The following PGBD2 variants were observed in gnomAD, a reference collection of about 807,000 sequenced individuals.
The protein encoded by PGBD2 is piggyBac transposable element-derived protein 2.
In PGBD2, 6 loss-of-function variants were observed where a neutral mutation model predicts 8.1. That is an observed-to-expected ratio of 0.74 (90% CI 0.40 to 1.46). The LOEUF (loss-of-function observed/expected upper bound fraction) is 1.46. Ranked by LOEUF, PGBD2 falls within the 40% of genes most tolerant of loss-of-function variation. The pLI, the probability that PGBD2 is intolerant of heterozygous loss-of-function variation, is 0.02. For missense variants in PGBD2, 802 were observed against 739.0 expected (o/e 1.09, Z -0.99); for synonymous variants, 318 against 272.2 (o/e 1.17, Z -1.66).
chr1:248,883,111 C>A, the PGBD2 span, among the ~76,000 whole-genome samples: 1 of 152,044 alleles, frequency 6.6e-6, no homozygotes, highest in Admixed American at 6.6e-5. Context: ...TAAAGAATTT[C>A]TTTGTTTGTT....
At chr1:248,874,429 T>C in the PGBD2 span, among the ~76,000 whole-genome samples, 10 of 152,286 alleles carry the variant, frequency 6.6e-5, no homozygotes, top group African/African-American at 1.4e-4. Flanking sequence ...GTGTCCTCAT[T>C]TTGCAGAGTA....
the PGBD2 span, among the ~76,000 whole-genome samples, chr1:248,880,443 GT>G: frequency 1.8e-4 from 27 of 152,172 alleles, no homozygotes; most frequent in Non-Finnish European, 3.1e-4. Flanking sequence ...TGGGAATTTT[GT>G]TATCTGAAAT....
At chr1:248,894,228 T>C in the PGBD2 span, among the ~76,000 whole-genome samples, 1 of 152,196 alleles carries the variant, frequency 6.6e-6, no homozygotes, top group African/African-American at 2.4e-5. Context: ...GTTTCCTTTG[T>C]AATGCTGAAA....
chr1:248,927,737 T>G, the PGBD2 span, among the ~76,000 whole-genome samples: 1 of 152,188 alleles, frequency 6.6e-6, no homozygotes, highest in African/African-American at 2.4e-5. Context: ...GCTCTTGTTT[T>G]AAATGGTAGA....
chr1:248,873,530 T>A, the PGBD2 span, among the ~76,000 whole-genome samples: 2 of 152,178 alleles, frequency 1.3e-5, no homozygotes, highest in Non-Finnish European at 2.9e-5. Flanking sequence ...CTTGCCAGAG[T>A]TTCCCCAGCT....
chr1:248,919,450 T>G (rs1473067434), downstream of PGBD2: 1 of 166,910 alleles, frequency 6.0e-6, no homozygotes, highest in Non-Finnish European at 1.5e-5. Context: ...TTAATCACAC[T>G]TCATTGTGTA....
At chr1:248,873,934 G>C in the PGBD2 span, among the ~76,000 whole-genome samples, 2 of 152,216 alleles carry the variant, frequency 1.3e-5, no homozygotes, top group African/African-American at 4.8e-5. Context: ...CCGGATGGAG[G>C]CGTGGGTTCG....
the PGBD2 span, among the ~76,000 whole-genome samples, chr1:248,874,166 C>A: frequency 6.6e-6 from 1 of 152,088 alleles, no homozygotes; most frequent in South Asian, 2.1e-4. Flanking sequence ...GCGAGAAAAC[C>A]GCATCCAATC....
the PGBD2 span, among the ~76,000 whole-genome samples, chr1:248,886,395 A>G: frequency 6.6e-6 from 1 of 152,190 alleles, no homozygotes; most frequent in Non-Finnish European, 1.5e-5. Flanking sequence ...AGTGAGGATG[A>G]CTGTTGATTT....
chr1:248,917,939 T>C lies in PGBD2; in HGVS notation c.1355T>C (p.Leu452Pro). 1 of 1,614,216 alleles carries C rather than the reference T, an allele frequency of 6.2e-7. No individual in the cohort carries two copies. Among genetic ancestry groups the C allele is most frequent in the Non-Finnish European group, 8.5e-7 (1 of 1,180,034 alleles). Residue 452 changes from leucine to proline, a missense_variant, in exon 3 of 3, where the codon CTG becomes CCG. Transcript: ENST00000329291. ...CGGACTCAGGTCCACCAGCCATCAC[T>C]GGTGAAGCTGTATCAGGAGAAGGTG... Reference protein sequence around the residue: ...KTRTQVHQPSLVKLYQEKVGG... With the variant: ...KTRTQVHQPSPVKLYQEKVGG...
chr1:248,891,142 C>T, the PGBD2 span, among the ~76,000 whole-genome samples: 1 of 152,236 alleles, frequency 6.6e-6, no homozygotes, highest in Admixed American at 6.5e-5. Flanking sequence ...AAATGTGTCT[C>T]TGTCAGATGT....
At chr1:248,927,028 T>G in the PGBD2 span, among the ~76,000 whole-genome samples, 1 of 152,088 alleles carries the variant, frequency 6.6e-6, no homozygotes. Flanking sequence ...CAGTGACTCA[T>G]GCAAGCTTAG....
chr1:248,928,398 G>T, the PGBD2 span, among the ~76,000 whole-genome samples: 3 of 152,154 alleles, frequency 2.0e-5, no homozygotes, highest in Non-Finnish European at 4.4e-5. Context: ...TGCTGTGAAT[G>T]ATTGTATTGG....
rs150663774 is a variant in PGBD2 at position 248,910,096 on chromosome 1, G to A, written c.-47-3720G>A. On this transcript the variant is annotated intron_variant, in intron 1 of 2. Coordinates refer to ENST00000329291, the MANE Select transcript of PGBD2 (RefSeq NM_170725.3). Reference sequence around the variant, plus strand: ...AAGCAACTGTGACATGGTAACACAAGTCAGGCTTCTTGACCCAAACCTGGC... The same window carrying A: ...AAGCAACTGTGACATGGTAACACAAATCAGGCTTCTTGACCCAAACCTGGC... 2.1e-3 allele frequency among the ~76,000 whole-genome samples: 327 copies of A among 152,344 alleles called. 1 individual carries two copies. Among genetic ancestry groups the A allele is most frequent in the African/African-American group, 7.1e-3 (295 of 41,582 alleles).
Position 248,917,522 on chromosome 1 carries a change from A to G in PGBD2, c.938A>G (p.Gln313Arg). 1.2e-6 allele frequency: 2 copies of G among 1,614,196 alleles called. No individual in the cohort carries two copies. The highest frequency in any genetic ancestry group is 1.3e-5 in the African/African-American group (1 of 75,048). ...TACTTGGTGTGGTTTGAGCCCTCAC[A>G]GGGCACACTGTTTACCAAGCCAGAC... ...RGYLVWFEPS[Q>R]GTLFTKPDRS... Residue 313 changes from glutamine (Q) to arginine (R), a missense_variant, in exon 3 of 3, where the codon CAG becomes CGG. By Grantham distance (43) the Gln-to-Arg change is conservative. Transcript: ENST00000329291.
chr1:248,874,082 G>C, the PGBD2 span, among the ~76,000 whole-genome samples: 1 of 152,128 alleles, frequency 6.6e-6, no homozygotes, highest in African/African-American at 2.4e-5. Context: ...TTTGCTGCCC[G>C]GTTTTCCCTG....
At chr1:248,904,720 C>T (rs184872106), upstream of PGBD2, among the ~76,000 whole-genome samples, 46 of 152,300 alleles carry the variant, frequency 3.0e-4, no homozygotes, top group East Asian at 1.9e-4. Flanking sequence ...GGAATTTGCT[C>T]TTCATATTCT....
chr1:248,914,333 T>C, intron 2 of PGBD2: 1 of 911,392 alleles, frequency 1.1e-6, no homozygotes, highest in African/African-American at 1.8e-5. Flanking sequence ...TGAGGACAGG[T>C]CAGGAAAGCG....
the PGBD2 span, among the ~76,000 whole-genome samples, chr1:248,891,742 T>C: frequency 0.051 from 7,823 of 152,250 alleles, 679 homozygotes; most frequent in African/African-American, 0.18. Flanking sequence ...GAAGATGGCT[T>C]GAGCCCTGAA....
Sources: gnomAD v4.1 joint callset for allele counts (sites outside exome capture counted in the v4.1 genomes callset) on GRCh38, gnomAD v4.1.1 for gene constraint, MANE v1.5 for transcripts, NCBI Gene and HGNC (gene_info 2026-07-23, HGNC 2026-07-21) for gene names.